Variants in PCDHGB2 observed in about 807,000 individuals in gnomAD.
The protein encoded by PCDHGB2 is protocadherin gamma-B2.
In PCDHGB2, 55 loss-of-function variants were observed where a neutral mutation model predicts 59.3. The observed-to-expected ratio is 0.93, with a 90% CI of 0.75 to 1.16. PCDHGB2 has a LOEUF of 1.16. Among genes scored for constraint, PCDHGB2 ranks in the 50% most tolerant of loss-of-function variants. The pLI, the probability that PCDHGB2 is intolerant of heterozygous loss-of-function variation, is 0.00. For missense variants in PCDHGB2, 1,228 were observed against 1,198.5 expected, an observed-to-expected ratio of 1.02 and a Z score of -0.36; for synonymous variants, 516 against 512.0, an observed-to-expected ratio of 1.01 and a Z score of -0.11.
At chr5:141,400,514 A>T in intron 1 of PCDHGB2, 1 of 1,613,950 alleles carries the variant, frequency 6.2e-7, no homozygotes, top group South Asian at 1.1e-5. Context: ...TCGACTTCCC[A>T]TCCTGAGTTG....
rs149319740 is a variant in PCDHGB2, at chr5:141,378,591, G to A, written c.2421+16035G>A. The stretch of plus-strand genomic sequence containing the variant: ...TTTTAAAACATGCTCGGTAGTGTCT[G>A]CTTACAGGACATATCTCTAAAAATA... On this transcript the variant is annotated intron_variant, in intron 1 of 3. Transcript: ENST00000522605. 4.1e-4 allele frequency: 63 copies of A among 152,298 alleles called. 1 individual carries two copies. Among genetic ancestry groups the A allele is most frequent in the African/African-American group, 1.4e-3 (60 of 41,574 alleles). The allele number at this position is 152,298 out of a possible 1,614,324, so 9.4% of individuals were successfully genotyped here.
At chr5:141,443,820 T>A (rs1329478151) in intron 1 of PCDHGB2, among the ~76,000 whole-genome samples, 1 of 151,986 alleles carries the variant, frequency 6.6e-6, no homozygotes, top group Non-Finnish European at 1.5e-5. Context: ...TTGGAAAACA[T>A]AATTAGGTAA....
intron 1 of PCDHGB2, chr5:141,409,185 C>G (rs765063807): frequency 6.2e-7 from 1 of 1,614,024 alleles, no homozygotes; most frequent in South Asian, 1.1e-5. Flanking sequence ...GGTGGTCTCT[C>G]TACCCAGTGT....
Position 141,491,030 on chromosome 5 carries a change from C to T in PCDHGB2, c.2422-3777C>T. ...GTCACCAAGGTGACAGCCGTGGATG[C>T]TGATGCAGGCCACAATGCGTGGCTC... On this transcript the variant is annotated intron_variant, in intron 1 of 3. Transcript: ENST00000522605. The surrounding 1 kb of genome is among the most constrained non-coding windows in gnomAD (Gnocchi z 6.9). 6.2e-7 allele frequency: 1 copy of T among 1,614,148 alleles called. No individual in the cohort carries two copies. Among genetic ancestry groups the T allele is most frequent in the South Asian group, 1.1e-5 (1 of 91,088 alleles).
At position 141,376,592 on chromosome 5, in the gene PCDHGB2, C is replaced by T. The variant is rs373550079; in HGVS notation, c.2421+14036C>T. 8 of 1,565,128 alleles carry T rather than the reference C, an allele frequency of 5.1e-6. No individual in the cohort carries two copies. In the East Asian group the frequency reaches 1.4e-4, roughly 27 times the overall value. On this transcript the variant is annotated intron_variant, in intron 1 of 3. Coordinates refer to ENST00000522605, the MANE Select transcript of PCDHGB2 (RefSeq NM_018923.3). ...CAGACAGGCTCATCAGCTAGATCGG[C>T]TGTTATAGAAGCGAACCTCTTTTGG...
intron 1 of PCDHGB2, chr5:141,478,285 T>G (rs1468354835): frequency 6.2e-7 from 1 of 1,614,040 alleles, no homozygotes; most frequent in Non-Finnish European, 8.5e-7. Context: ...GGAAGCAGTC[T>G]AGAGACCTAT....
chr5:141,509,056 G>C (rs1303823294), intron 3 of PCDHGB2, among the ~76,000 whole-genome samples: 1 of 152,178 alleles, frequency 6.6e-6, no homozygotes, highest in Non-Finnish European at 1.5e-5. Flanking sequence ...CCCCCAGAAA[G>C]CTCTCAGCTC....
At chr5:141,399,562 T>TTGAACGGCCAAGTCTCCTACTCTATCA in intron 1 of PCDHGB2, 1 of 1,614,016 alleles carries the variant, frequency 6.2e-7, no homozygotes, top group Non-Finnish European at 8.5e-7. Context: ...GGACTTGGGG[T>TTGAACGGCCAAGTCTCCTACTCTATCA]TGAACGGCCA....
At position 141,388,343 on chromosome 5, in the gene PCDHGB2, A is replaced by G. The variant is rs2091322753; in HGVS notation, c.2421+25787A>G. ...CTGCACAGCCTGGCACACGATTTAT[A>G]TTAGGATCTGCCCATGATGCGGATA... On this transcript the variant is annotated intron_variant, in intron 1 of 3. Coordinates refer to ENST00000522605, the MANE Select transcript of PCDHGB2 (RefSeq NM_018923.3). 3 of 1,614,008 alleles carry G rather than the reference A, an allele frequency of 1.9e-6. No individual in the cohort carries two copies. The East Asian group carries it at 6.7e-5, about 36-fold the overall frequency.
At chr5:141,499,186 T>A (rs1332703037) in intron 2 of PCDHGB2, among the ~76,000 whole-genome samples, 2 of 152,036 alleles carry the variant, frequency 1.3e-5, no homozygotes, top group Non-Finnish European at 2.9e-5. Context: ...AGCAAACCAT[T>A]TCCCCCTTCT....
intron 1 of PCDHGB2, chr5:141,423,620 C>G: frequency 6.2e-7 from 1 of 1,608,268 alleles, no homozygotes; most frequent in Non-Finnish European, 8.5e-7. Flanking sequence ...GCTGAAGACT[C>G]AGCTATCATT....
intron 1 of PCDHGB2, chr5:141,393,568 T>G (rs549396721): frequency 1.2e-6 from 2 of 1,613,904 alleles, no homozygotes; most frequent in African/African-American, 2.7e-5. Context: ...GTGAAAGTCC[T>G]TGAGAACATG....
chr5:141,394,789 C>G (rs747304715), intron 1 of PCDHGB2: 1 of 1,613,728 alleles, frequency 6.2e-7, no homozygotes, highest in Non-Finnish European at 8.5e-7. Context: ...GCCACTGTCA[C>G]GCTCACCGTA....
In PCDHGB2 at chr5:141,476,529, A is replaced by G. The variant is rs752442904; in HGVS notation, c.2422-18278A>G. On this transcript the variant is annotated intron_variant, in intron 1 of 3. Coordinates refer to ENST00000522605, the MANE Select transcript of PCDHGB2 (RefSeq NM_018923.3). The surrounding 1 kb of genome is among the most constrained non-coding windows in gnomAD (Gnocchi z 7.6). ...GACAACAATCCTGCTTTCCCTACCCAGGAAATGAAATTGGAGATTAGCGAG... is the reference window on the plus strand; with the variant it reads ...GACAACAATCCTGCTTTCCCTACCCGGGAAATGAAATTGGAGATTAGCGAG... 2.8e-5 allele frequency: 46 copies of G among 1,614,198 alleles called. No individual in the cohort carries two copies. Among genetic ancestry groups the G allele is most frequent in the Non-Finnish European group, 3.8e-5 (45 of 1,180,044 alleles).
intron 1 of PCDHGB2, chr5:141,411,270 A>G (rs1299052773): frequency 6.6e-6 from 1 of 152,160 alleles, no homozygotes; most frequent in African/African-American, 2.4e-5. Context: ...ATATTTTTAA[A>G]GCCTAAAAAT....
chr5:141,456,312 GCTC>G (rs2098849548), intron 1 of PCDHGB2, among the ~76,000 whole-genome samples: 1 of 152,126 alleles, frequency 6.6e-6, no homozygotes, highest in Admixed American at 6.6e-5. Context: ...AGCAGCTAGG[GCTC>G]CTCCTGGGGT....
At chr5:141,450,241 C>T (rs1236675009) in intron 1 of PCDHGB2, among the ~76,000 whole-genome samples, 1 of 152,094 alleles carries the variant, frequency 6.6e-6, no homozygotes, top group East Asian at 1.9e-4. Flanking sequence ...TAGTCTTGAA[C>T]TCCTGACCTC....
intron 1 of PCDHGB2, chr5:141,390,040 C>T (rs2092027580): frequency 6.2e-7 from 1 of 1,614,072 alleles, no homozygotes; most frequent in Non-Finnish European, 8.5e-7. Context: ...TCCTCCAGCC[C>T]CGCCTCCTGG....
rs535871341 is a variant in PCDHGB2 at position 141,382,152 on chromosome 5, A to G, written c.2421+19596A>G. Among the ~76,000 whole-genome samples, 62 of 152,216 alleles carry G rather than the reference A, an allele frequency of 4.1e-4. 1 individual carries two copies. Among genetic ancestry groups the G allele is most frequent in the African/African-American group, 1.4e-3 (59 of 41,532 alleles). The stretch of plus-strand genomic sequence containing the variant: ...CCCCCCTCTCATTTTTTAAACGGTT[A>G]AAATGAAGGTGTTAGACCGTCTCTA... On this transcript the variant is annotated intron_variant, in intron 1 of 3. Transcript: ENST00000522605.
Sources: gnomAD v4.1 joint callset for allele counts (sites outside exome capture counted in the v4.1 genomes callset) on GRCh38, gnomAD v4.1.1 for gene constraint, Gnocchi (gnomAD v3.1) non-coding constraint, MANE v1.5 for transcripts, NCBI Gene and HGNC (gene_info 2026-07-23, HGNC 2026-07-21) for gene names.